KPNA6: variants seen among roughly 807,000 people sequenced by gnomAD.
The protein encoded by KPNA6 is karyopherin subunit alpha 6.
In KPNA6, 9 loss-of-function variants were observed where a neutral mutation model predicts 72.0. That is an observed-to-expected ratio of 0.13 (90% confidence interval 0.08 to 0.22). The LOEUF (loss-of-function observed/expected upper bound fraction) is 0.22, where lower values mean the gene tolerates loss of function less well. Ranked by LOEUF, KPNA6 falls within the 10% of genes least tolerant of loss-of-function variation. KPNA6 has a pLI of 1.00. For synonymous variants in KPNA6, 219 were observed against 242.1 expected, an observed-to-expected ratio of 0.90 and a Z score of 0.89; for missense variants, 374 against 655.7, an observed-to-expected ratio of 0.57 and a Z score of 4.69.
At position 32,162,095 on chromosome 1, in the gene KPNA6, T is replaced by G. The variant is rs755832045; in HGVS notation, c.747+49T>G. 4.6e-5 allele frequency: 67 copies of G among 1,463,824 alleles called. No individual in the cohort carries two copies. In the Middle Eastern group the frequency reaches 5.2e-4, roughly 11 times the overall value. The allele number at this position is 1,463,824 out of a possible 1,614,324, so 90.7% of individuals were successfully genotyped here. A position where few individuals can be genotyped will look rare whatever the true frequency, so the allele number is the denominator to read the frequency against. On this transcript the variant is annotated intron_variant, in intron 8 of 13. Transcript: ENST00000373625. ...CTGAGTGACATCAGGTTCCTTCATA[T>G]GGAGTTTTTAAGTCTTTGGGATACT...
chr1:32,164,978 A>G (rs1365702741), intron 10 of KPNA6, among the ~76,000 whole-genome samples: 1 of 152,100 alleles, frequency 6.6e-6, no homozygotes, highest in African/African-American at 2.4e-5. Context: ...GCTCACTGCA[A>G]CCTCTGCCTC....
intron 1 of KPNA6, among the ~76,000 whole-genome samples, chr1:32,146,364 A>G (rs1003424154): frequency 6.6e-6 from 1 of 152,176 alleles, no homozygotes; most frequent in African/African-American, 2.4e-5. Context: ...TCTTTTTGGT[A>G]ACAGTTTCTG....
intron 1 of KPNA6, among the ~76,000 whole-genome samples, chr1:32,145,003 A>T (rs1641905751): frequency 6.7e-6 from 1 of 148,864 alleles, no homozygotes; most frequent in African/African-American, 2.5e-5. Context: ...CCCAGGCTGA[A>T]GTGCAGTGGC....
At chr1:32,119,032 A>ATATATATATATATATTTTTT (rs1167325052) in intron 1 of KPNA6, among the ~76,000 whole-genome samples, 1 of 40,274 alleles carries the variant, frequency 2.5e-5, no homozygotes, top group Non-Finnish European at 4.1e-5. Context: ...ATATATATAT[A>ATATATATATATATATTTTTT]TTTTTTTTTT....
intron 1 of KPNA6, among the ~76,000 whole-genome samples, chr1:32,143,396 G>A (rs941749470): frequency 2.0e-5 from 3 of 151,482 alleles, no homozygotes; most frequent in Non-Finnish European, 2.9e-5. Context: ...TCCAGCCTGG[G>A]CAACATGGAG....
Position 32,172,178 on chromosome 1 carries a change from G to A in KPNA6, c.*1284G>A, listed in dbSNP as rs1000817641. The A allele has an allele frequency of 7.2e-5, 11 of 152,082 alleles. No individual in the cohort carries two copies. The highest frequency in any genetic ancestry group is 5.9e-4 in the Admixed American group (9 of 15,268). The allele number at this position is 152,082 out of a possible 1,614,324, so 9.4% of individuals were successfully genotyped here. A position where few individuals can be genotyped will look rare whatever the true frequency, so the allele number is the denominator to read the frequency against. On this transcript the variant is annotated 3_prime_UTR_variant, in exon 14 of 14. Transcript: ENST00000373625. The stretch of plus-strand genomic sequence containing the variant: ...CAAAAAGAGATATGGATGCTTCCTC[G>A]CTCAGGAGGCCTGAGCTTGGTCCTT...
At chr1:32,136,109 AAT>A (rs1641729981) in intron 1 of KPNA6, among the ~76,000 whole-genome samples, 2 of 152,294 alleles carry the variant, frequency 1.3e-5, no homozygotes, top group South Asian at 2.1e-4. Context: ...TACAGGGACT[AAT>A]ATGTTTTTCA....
chr1:32,138,503 A>G (rs1199560878), intron 1 of KPNA6, among the ~76,000 whole-genome samples: 1 of 145,968 alleles, frequency 6.9e-6, no homozygotes, highest in Admixed American at 7.2e-5. Context: ...AGATCGCGCC[A>G]TTGCACTCCA....
chr1:32,142,343 A>G (rs1410734105), intron 1 of KPNA6, among the ~76,000 whole-genome samples: 3 of 150,538 alleles, frequency 2.0e-5, no homozygotes, highest in African/African-American at 7.3e-5. Flanking sequence ...AGCTGTCTTC[A>G]TGTTCACATG....
At chr1:32,117,105 T>C (rs1272195626) in intron 1 of KPNA6, among the ~76,000 whole-genome samples, 1 of 151,748 alleles carries the variant, frequency 6.6e-6, no homozygotes, top group African/African-American at 2.4e-5. Flanking sequence ...AGTGAACACA[T>C]GCTGCTGGAA....
Position 32,156,934 on chromosome 1 carries a change from T to C in KPNA6, c.220T>C (p.Ser74Pro), listed in dbSNP as rs761209062. ...DSLLMDSYVS[S>P]TTGESVITRE... ...TCTTCTCATGGACTCTTATGTGAGC[T>C]CTACCACTGGGGTAAGGCCCCTGCA... Residue 74 changes from serine (S) to proline (P), a missense_variant, in exon 3 of 14, where the codon TCT (serine) becomes CCT (proline). By Grantham distance (74) the Ser-to-Pro change is moderately conservative. Coordinates refer to ENST00000373625, the MANE Select transcript of KPNA6 (RefSeq NM_012316.5). The C allele has an allele frequency of 4.7e-5, 76 of 1,613,468 alleles. No individual in the cohort carries two copies. The South Asian group carries it at 7.9e-4, about 17-fold the overall frequency.
intron 1 of KPNA6, among the ~76,000 whole-genome samples, chr1:32,146,515 A>T (rs1641932010): frequency 1.3e-5 from 2 of 152,168 alleles, no homozygotes. Flanking sequence ...CACCATGGGA[A>T]TTACACTTAA....
chr1:32,166,624 CAAAA>C lies in KPNA6; in HGVS notation c.1116+410_1116+413del, dbSNP rs561653103. 8.0e-3 allele frequency among the ~76,000 whole-genome samples: 313 copies of C among 39,038 alleles called. 1 individual carries two copies. Among genetic ancestry groups the C allele is most frequent in the South Asian group, 0.018 (22 of 1,194 alleles). 25.6% of individuals were successfully genotyped at this position (39,038 alleles called of 152,430 possible). ...TGGGCAACAGAGCGAGACTCCGTCTCAAAAAAAAAAAAAAAAAAAGAGGGGCTGG... is the reference window on the plus strand; with the variant it reads ...TGGGCAACAGAGCGAGACTCCGTCTCAAAAAAAAAAAAAAAGAGGGGCTGG... On this transcript the variant is annotated intron_variant, in intron 11 of 13. Coordinates refer to ENST00000373625, the MANE Select transcript of KPNA6 (RefSeq NM_012316.5).
At position 32,156,924 on chromosome 1, in the gene KPNA6, T is replaced by C; in HGVS notation, c.210T>C (p.Ser70=). The C allele has an allele frequency of 6.2e-7, 1 of 1,613,832 alleles. No homozygotes were observed. Among genetic ancestry groups the C allele is most frequent in the Non-Finnish European group, 8.5e-7 (1 of 1,179,710 alleles). Residue 70 remains serine (S), a synonymous_variant, in exon 3 of 14, where the codon TCT becomes TCC. Transcript: ENST00000373625. ...TGTTCGATAGTCTTCTCATGGACTC[T>C]TATGTGAGCTCTACCACTGGGGTAA... ...AAMFDSLLMD[S]YVSSTTGESV... is the part of the protein sequence containing the mutation.
At chr1:32,112,185 A>G (rs1641253113) in intron 1 of KPNA6, among the ~76,000 whole-genome samples, 1 of 152,176 alleles carries the variant, frequency 6.6e-6, no homozygotes, top group Admixed American at 6.6e-5. Flanking sequence ...ATTTTTTGCC[A>G]GTTTGTATTT....
intron 1 of KPNA6, among the ~76,000 whole-genome samples, chr1:32,122,739 T>A (rs1453234335): frequency 6.6e-6 from 1 of 152,126 alleles, no homozygotes; most frequent in East Asian, 1.9e-4. Context: ...GCAAATCACC[T>A]GAGGCCAGGA....
chr1:32,160,437 AT>A (rs1195969254), intron 6 of KPNA6, among the ~76,000 whole-genome samples, 177 bp from the exon 7 acceptor site: 1 of 152,134 alleles, frequency 6.6e-6, no homozygotes, highest in African/African-American at 2.4e-5. Context: ...GGGATAGGTC[AT>A]TGTAGAACAA....
intron 1 of KPNA6, among the ~76,000 whole-genome samples, chr1:32,143,915 A>G (rs1309587885): frequency 6.6e-6 from 1 of 152,194 alleles, no homozygotes; most frequent in African/African-American, 2.4e-5. Flanking sequence ...TTAGACCTTC[A>G]TTCCTTTTTT....
At chr1:32,151,248 C>G (rs1477688806) in intron 1 of KPNA6, among the ~76,000 whole-genome samples, 1 of 152,066 alleles carries the variant, frequency 6.6e-6, no homozygotes, top group Non-Finnish European at 1.5e-5. Context: ...GTAGCCTTTT[C>G]TGGGAATAGT....
Sources: allele counts gnomAD v4.1 joint callset (sites outside exome capture counted in the v4.1 genomes callset), GRCh38; gene constraint gnomAD v4.1.1; transcripts MANE v1.5; gene names NCBI Gene and HGNC (gene_info 2026-07-23, HGNC 2026-07-21).